Variants in ZNF407 observed in about 807,000 individuals in gnomAD.
ZNF407 encodes the protein zinc finger protein 407.
ZNF407 carries 17 observed loss-of-function variants against 131.2 expected under a neutral mutation model. That is an observed-to-expected ratio of 0.13 (90% CI 0.09 to 0.19). ZNF407 has a LOEUF of 0.19. Ranked by LOEUF, ZNF407 falls within the 10% of genes least tolerant of loss-of-function variation. ZNF407 has a pLI of 1.00. For synonymous variants in ZNF407, 1,156 were observed against 1,062.0 expected, an observed-to-expected ratio of 1.09 and a Z score of -1.72; for missense variants, 2,681 against 2,830.6, an observed-to-expected ratio of 0.95 and a Z score of 1.20.
At chr18:74,765,316 T>A (rs981434718) in intron 3 of ZNF407, among the ~76,000 whole-genome samples, 1 of 152,222 alleles carries the variant, frequency 6.6e-6, no homozygotes, top group Non-Finnish European at 1.5e-5. Context: ...TTACACTTCT[T>A]TGCATGCCTG....
chr18:74,635,385 G>A lies in ZNF407; in HGVS notation c.4366G>A (p.Glu1456Lys), dbSNP rs1017021506. Residue 1456 changes from glutamate (E) to lysine (K), a missense_variant, in exon 2 of 9, where the codon GAA (glutamate) becomes AAA (lysine). Transcript: ENST00000299687. This position sits in a 1 kb window ranked among gnomAD's most constrained non-coding sequence, Gnocchi z 4.7. ...CLLCGKSFYTESNLHQHLASA... is the reference protein window; with the variant it reads ...CLLCGKSFYTKSNLHQHLASA... ...ACTCTGTGGAAAGTCGTTCTATACCGAAAGCAACCTTCACCAGCATCTGGC... is the reference window on the plus strand; with the variant it reads ...ACTCTGTGGAAAGTCGTTCTATACCAAAAGCAACCTTCACCAGCATCTGGC... 8 of 1,613,710 alleles carry A rather than the reference G, an allele frequency of 5.0e-6. No homozygotes were observed. The highest frequency in any genetic ancestry group is 1.3e-5 in the African/African-American group (1 of 74,914).
At chr18:74,852,408 C>T (rs969922990) in intron 4 of ZNF407, among the ~76,000 whole-genome samples, 2 of 151,970 alleles carry the variant, frequency 1.3e-5, no homozygotes, top group Non-Finnish European at 2.9e-5. Context: ...CTGTATCAAA[C>T]TAAGATAATT....
intron 3 of ZNF407, among the ~76,000 whole-genome samples, chr18:74,652,211 T>A (rs1419780724): frequency 6.6e-6 from 1 of 152,098 alleles, no homozygotes; most frequent in African/African-American, 2.4e-5. Flanking sequence ...TATCTAAAGA[T>A]CAAAGTTAAG....
intron 8 of ZNF407, among the ~76,000 whole-genome samples, chr18:75,033,612 G>C (rs912215599): frequency 6.6e-6 from 1 of 152,134 alleles, no homozygotes; most frequent in Non-Finnish European, 1.5e-5. Context: ...AGAATCCTGC[G>C]GTCATTTATT....
At chr18:74,625,655 C>A (rs1983755871) in intron 1 of ZNF407, among the ~76,000 whole-genome samples, 1 of 152,150 alleles carries the variant, frequency 6.6e-6, no homozygotes, top group Non-Finnish European at 1.5e-5. Context: ...TAATGAATCC[C>A]CATGTGCTTG....
At chr18:75,017,049 A>G (rs116402389) in intron 8 of ZNF407, among the ~76,000 whole-genome samples, 115 of 152,238 alleles carry the variant, frequency 7.6e-4, no homozygotes, top group African/African-American at 2.5e-3. Context: ...GTGGGAATCA[A>G]TTCAGCCATT....
chr18:74,727,892 C>A (rs1968196720), intron 3 of ZNF407, among the ~76,000 whole-genome samples: 1 of 152,078 alleles, frequency 6.6e-6, no homozygotes, highest in Non-Finnish European at 1.5e-5. Context: ...ACTTTAAATA[C>A]CTGTGGTATC....
intron 8 of ZNF407, among the ~76,000 whole-genome samples, chr18:75,005,950 G>A (rs1419235083): frequency 1.3e-5 from 2 of 152,062 alleles, no homozygotes; most frequent in Non-Finnish European, 2.9e-5. Flanking sequence ...TTGATTCTTC[G>A]TTAGAACATA....
intron 3 of ZNF407, among the ~76,000 whole-genome samples, chr18:74,657,914 T>TTCTTCTTCTTCTTCTTCC (rs1985541458): frequency 6.7e-6 from 1 of 149,344 alleles, no homozygotes; most frequent in Admixed American, 6.6e-5. Flanking sequence ...CTTCTTCTTC[T>TTCTTCTTCTTCTTCTTCC]TCTTCTTCTT....
intron 8 of ZNF407, among the ~76,000 whole-genome samples, chr18:75,041,005 G>A (rs1407094521): frequency 1.3e-5 from 2 of 152,184 alleles, no homozygotes; most frequent in East Asian, 3.9e-4. Flanking sequence ...AGGGAAGGAA[G>A]AACAAGGGTT....
At chr18:74,619,161 C>A (rs1271827094) in intron 1 of ZNF407, among the ~76,000 whole-genome samples, 1 of 152,146 alleles carries the variant, frequency 6.6e-6, no homozygotes, top group East Asian at 1.9e-4. Context: ...TATTAAGATA[C>A]TTTTTTCTAC....
chr18:75,034,343 G>A (rs1180894753), intron 8 of ZNF407, among the ~76,000 whole-genome samples: 3 of 127,548 alleles, frequency 2.4e-5, no homozygotes, highest in African/African-American at 6.0e-5. Flanking sequence ...TCGCTCTGTC[G>A]CCCAGGCTGG....
At chr18:75,060,215 T>G (rs35066335) in intron 8 of ZNF407, 26,591 of 152,256 alleles carry the variant, frequency 0.17, 2,474 homozygotes, top group African/African-American at 0.22. Context: ...CTTGGTCGGG[T>G]GTAACCATGA....
intron 3 of ZNF407, among the ~76,000 whole-genome samples, chr18:74,742,241 G>A (rs187652538): frequency 1.3e-5 from 2 of 152,218 alleles, no homozygotes; most frequent in Non-Finnish European, 2.9e-5. Context: ...TTACATAAGG[G>A]AGTCTTGTCT....
intron 3 of ZNF407, 65 bp downstream of exon 3, chr18:74,641,187 C>A (rs563612984): frequency 1.5e-6 from 2 of 1,353,544 alleles, no homozygotes; most frequent in Non-Finnish European, 2.1e-6. Flanking sequence ...GCCATTGTTT[C>A]GGAATTCAAA....
At chr18:74,842,774 A>C (rs1314482753) in intron 4 of ZNF407, among the ~76,000 whole-genome samples, 1 of 152,016 alleles carries the variant, frequency 6.6e-6, no homozygotes, top group East Asian at 1.9e-4. Context: ...CCCAGGATGG[A>C]GTGCAGTGTT....
At chr18:75,001,482 T>C (rs1972844920) in intron 8 of ZNF407, among the ~76,000 whole-genome samples, 2 of 152,158 alleles carry the variant, frequency 1.3e-5, no homozygotes, top group Admixed American at 1.3e-4. Flanking sequence ...AAAGAGCACA[T>C]TTTTAGGTTA....
At chr18:74,901,844 A>G (rs1971529459) in intron 7 of ZNF407, among the ~76,000 whole-genome samples, 1 of 152,130 alleles carries the variant, frequency 6.6e-6, no homozygotes, top group African/African-American at 2.4e-5. Flanking sequence ...TTTTAACAAA[A>G]CAATCTTTTA....
chr18:74,609,914 A>G (rs1461978770), intron 1 of ZNF407, among the ~76,000 whole-genome samples: 3 of 152,150 alleles, frequency 2.0e-5, no homozygotes, highest in African/African-American at 4.8e-5. Context: ...CTGGGTAGGT[A>G]TGTTTTATTT....
Sources: allele counts gnomAD v4.1 joint callset (sites outside exome capture counted in the v4.1 genomes callset), GRCh38; gene constraint gnomAD v4.1.1; non-coding constraint Gnocchi (gnomAD v3.1); transcripts MANE v1.5; gene names NCBI Gene and HGNC (gene_info 2026-07-23, HGNC 2026-07-21).